Variants in ERCC1 observed in about 807,000 individuals in gnomAD.
ERCC1 encodes the protein ERCC excision repair 1, endonuclease non-catalytic subunit.
In ERCC1, 36 loss-of-function variants were observed where a neutral mutation model predicts 37.6. The observed-to-expected ratio is 0.96, with a 90% CI of 0.73 to 1.26. The LOEUF (loss-of-function observed/expected upper bound fraction) is 1.26, where lower values mean the gene tolerates loss of function less well. Among genes scored for constraint, ERCC1 ranks in the 50% most tolerant of loss-of-function variants. The pLI is 0.00. For missense variants in ERCC1, 349 were observed against 376.5 expected (o/e 0.93, Z 0.60); for synonymous variants, 156 against 162.1 (o/e 0.96, Z 0.28).
intron 1 of ERCC1, among the ~76,000 whole-genome samples, chr19:45,448,224 C>T (rs909516762): frequency 3.1e-4 from 47 of 152,228 alleles, no homozygotes; most frequent in African/African-American, 1.1e-3. Context: ...CTGGAGGAAC[C>T]CACCTTTAAA....
At chr19:45,409,867 A>G in intron 9 of ERCC1, 142 bp from the exon 10 acceptor site, 1 of 512,816 alleles carries the variant, frequency 2.0e-6, no homozygotes. Flanking sequence ...TCCAGTTACA[A>G]TCTTTTTAAG....
Position 45,414,870 on chromosome 19 carries a change from G to A in ERCC1, c.693C>T (p.Phe231=), listed in dbSNP as rs121913028. The change falls in exon 7 of 10, where the codon TTC becomes TTT. Residue 231 remains phenylalanine, a synonymous_variant. Coordinates refer to ENST00000300853, the MANE Select transcript of ERCC1 (RefSeq NM_001983.4). ...DLLMEKLEQD[F]VSRVTECLTT... ...GGTGAGGTGGCCTCACCCGGGAGAC[G>A]AAGTCCTGCTCTAGCTTCTCCATCA... The A allele has an allele frequency of 2.7e-5, 44 of 1,612,822 alleles. No individual in the cohort carries two copies. The highest frequency in any genetic ancestry group is 1.6e-4 in the Middle Eastern group (1 of 6,072).
intron 1 of ERCC1, among the ~76,000 whole-genome samples, chr19:45,441,342 G>A (rs147566780): frequency 4.6e-5 from 7 of 152,340 alleles, no homozygotes; most frequent in East Asian, 1.9e-4. Context: ...CCTGCAGTGG[G>A]TGGGAGAGAT....
chr19:45,434,867 C>T (rs1974934257), intron 1 of ERCC1, among the ~76,000 whole-genome samples: 1 of 152,120 alleles, frequency 6.6e-6, no homozygotes, highest in Non-Finnish European at 1.5e-5. Flanking sequence ...CCTCTGCCTC[C>T]TGGGTTCAAG....
intron 4 of ERCC1, 94 bp from the exon 5 acceptor site, chr19:45,419,291 G>T (rs990161356): frequency 1.1e-6 from 1 of 881,302 alleles, no homozygotes; most frequent in African/African-American, 1.7e-5. Flanking sequence ...AGGGCTCAGA[G>T]TACGGCATGG....
chr19:45,423,239 C>G (rs1169437567), intron 2 of ERCC1, 31 bp downstream of exon 2: 2 of 1,596,306 alleles, frequency 1.3e-6, no homozygotes, highest in Non-Finnish European at 1.7e-6. Context: ...AGCCCCCAGC[C>G]TCCCAGGGGC....
intron 7 of ERCC1, 138 bp from the exon 8 acceptor site, chr19:45,414,172 A>G (rs1973909153): frequency 1.4e-6 from 1 of 722,086 alleles, no homozygotes; most frequent in Non-Finnish European, 2.5e-6. Flanking sequence ...TTTTTTTCCC[A>G]ACTGATTAAA....
chr19:45,418,689 G>A (rs1974211675), intron 5 of ERCC1, among the ~76,000 whole-genome samples: 1 of 151,380 alleles, frequency 6.6e-6, no homozygotes, highest in South Asian at 2.1e-4. Context: ...CGGGCGTGGT[G>A]GTGCATGCCT....
At chr19:45,449,856 C>T (rs905690976) in intron 1 of ERCC1, among the ~76,000 whole-genome samples, 2 of 151,228 alleles carry the variant, frequency 1.3e-5, no homozygotes, top group African/African-American at 4.9e-5. Context: ...CCCAGCTACT[C>T]GGGAGGCTGA....
At chr19:45,448,097 C>T (rs1967003469) in intron 1 of ERCC1, among the ~76,000 whole-genome samples, 1 of 152,174 alleles carries the variant, frequency 6.6e-6, no homozygotes, top group Non-Finnish European at 1.5e-5. Context: ...GTCTCAAACT[C>T]CTAACCTCAG....
intron 1 of ERCC1, among the ~76,000 whole-genome samples, chr19:45,434,384 G>A (rs545230418): frequency 8.9e-4 from 134 of 151,322 alleles, no homozygotes; most frequent in African/African-American, 3.0e-3. Flanking sequence ...CCACGTACTC[G>A]GGAGGCTAAG....
intron 1 of ERCC1, among the ~76,000 whole-genome samples, chr19:45,448,891 G>A (rs2123625478): frequency 6.6e-6 from 1 of 152,142 alleles, no homozygotes; most frequent in South Asian, 2.1e-4. Context: ...CCAGTGCCAT[G>A]GTTTAGCAAT....
chr19:45,434,306 C>T (rs1173424366), intron 1 of ERCC1, among the ~76,000 whole-genome samples: 1 of 146,312 alleles, frequency 6.8e-6, no homozygotes, highest in Non-Finnish European at 1.5e-5. Flanking sequence ...CATGGTGAAA[C>T]ACCGTGTCTC....
At chr19:45,446,296 A>C (rs1966939826) in intron 1 of ERCC1, among the ~76,000 whole-genome samples, 1 of 152,182 alleles carries the variant, frequency 6.6e-6, no homozygotes, top group Non-Finnish European at 1.5e-5. Flanking sequence ...GTCATGGTCC[A>C]GTTGAGTCCA....
upstream of ERCC1, among the ~76,000 whole-genome samples, chr19:45,425,082 A>ATTTTTTTT (rs35314737): frequency 4.0e-4 from 47 of 116,934 alleles, no homozygotes; most frequent in African/African-American, 4.4e-4. Context: ...TGCCCGGCTA[A>ATTTTTTTT]TTTTTTTTTT....
intron 1 of ERCC1, among the ~76,000 whole-genome samples, chr19:45,441,706 C>A (rs912622522): frequency 1.3e-4 from 18 of 143,086 alleles, no homozygotes; most frequent in Admixed American, 7.3e-5. Flanking sequence ...GAGACGGAGT[C>A]TTGCTCTGTC....
chr19:45,423,917 C>T lies in ERCC1; in HGVS notation c.-144G>A. On this transcript the variant is annotated 5_prime_UTR_variant, in exon 1 of 10. Coordinates refer to ENST00000300853, the MANE Select transcript of ERCC1 (RefSeq NM_001983.4). Reference sequence around the variant, plus strand: ...CGTGGCCCAGGGCTCGCAGCACTTCCGGCCTCTCTGGCCCCGCTCCCCAGG... The same window carrying T: ...CGTGGCCCAGGGCTCGCAGCACTTCTGGCCTCTCTGGCCCCGCTCCCCAGG... 1.5e-5 allele frequency: 16 copies of T among 1,098,102 alleles called. No homozygotes were observed. The highest frequency in any genetic ancestry group is 1.7e-5 in the Non-Finnish European group (15 of 897,142). The allele number at this position is 1,098,102 out of a possible 1,614,324, so 68.0% of individuals were successfully genotyped here.
rs763158527 is a variant in ERCC1 at position 45,421,409 on chromosome 19, G to T, written c.106-16C>A. 1.3e-6 allele frequency: 2 copies of T among 1,581,584 alleles called. No individual in the cohort carries two copies. Among genetic ancestry groups the T allele is most frequent in the South Asian group, 2.2e-5 (2 of 89,438 alleles). On this transcript the variant is annotated splice_polypyrimidine_tract_variant and intron_variant, in intron 2 of 9. Coordinates refer to ENST00000300853, the MANE Select transcript of ERCC1 (RefSeq NM_001983.4). ...AGGGCTTGGCCTGTGGGGAGAAAGG[G>T]AGTTTGCAGGGGACTGGTTGGGGTG...
intron 1 of ERCC1, chr19:45,450,786 AAAGAGAG>A (rs1343127512): frequency 3.3e-5 from 5 of 149,714 alleles, no homozygotes; most frequent in African/African-American, 1.2e-4. Context: ...AAAAAAAAAA[AAAGAGAG>A]AGAGAATGAA....
Sources: allele counts gnomAD v4.1 joint callset (sites outside exome capture counted in the v4.1 genomes callset), GRCh38; gene constraint gnomAD v4.1.1; transcripts MANE v1.5; gene names NCBI Gene and HGNC (gene_info 2026-07-23, HGNC 2026-07-21).